Variants in PLN observed in about 807,000 individuals in gnomAD.
PLN encodes the protein phospholamban, also known as cardiac phospholamban.
A neutral mutation model predicts 3.9 loss-of-function variants in PLN; 1 was observed. The ratio of observed to expected loss-of-function variants is 0.26; its 90% CI spans 0.09 to 1.23. The LOEUF (loss-of-function observed/expected upper bound fraction) is 1.23, where lower values mean the gene tolerates loss of function less well. Among genes scored for constraint, PLN ranks in the 50% most tolerant of loss-of-function variants. The pLI is 0.48. For missense variants in PLN, 59 were observed against 62.7 expected (o/e 0.94, Z 0.20); for synonymous variants, 21 against 20.5 (o/e 1.02, Z -0.07).
chr6:118,548,537 C>A (rs1778345069), intron 1 of PLN, 145 bp downstream of exon 1: 1 of 152,024 alleles, frequency 6.6e-6, no homozygotes, highest in Admixed American at 6.6e-5. Context: ...TGACAAAGTG[C>A]TTAAATTTAT....
rs543790768 is a variant in PLN at position 118,558,859 on chromosome 6, C to T, written c.-63C>T. On this transcript the variant is annotated 5_prime_UTR_variant, in exon 2 of 2. Coordinates refer to ENST00000357525, the MANE Select transcript of PLN (RefSeq NM_002667.5). ...AAGAAGACAGTTATCTCATATTTGGCTGCCAGCTTTTTATCTTTCTCTCGA... is the reference window on the plus strand; with the variant it reads ...AAGAAGACAGTTATCTCATATTTGGTTGCCAGCTTTTTATCTTTCTCTCGA... The T allele has an allele frequency of 4.8e-5, 59 of 1,220,710 alleles. No individual in the cohort carries two copies. In the Middle Eastern group the frequency reaches 1.5e-3, roughly 31 times the overall value. The allele number at this position is 1,220,710 out of a possible 1,614,324, so 75.6% of individuals were successfully genotyped here.
chr6:118,556,265 C>T (rs1778870207), intron 1 of PLN, among the ~76,000 whole-genome samples: 1 of 152,096 alleles, frequency 6.6e-6, no homozygotes, highest in Non-Finnish European at 1.5e-5. Context: ...CCTTTAGCCA[C>T]CTGTTTAGAC....
chr6:118,548,435 A>G (rs1231189272), intron 1 of PLN, 43 bp downstream of exon 1: 9 of 152,112 alleles, frequency 5.9e-5, no homozygotes, highest in Non-Finnish European at 1.3e-4. Context: ...CTTACTTTCT[A>G]TAATTCTTAA....
chr6:118,549,648 C>A (rs377749681), intron 1 of PLN, among the ~76,000 whole-genome samples: 14 of 151,726 alleles, frequency 9.2e-5, no homozygotes, highest in African/African-American at 3.1e-4. Context: ...GTCTCCATAT[C>A]TCTATACTCA....
At chr6:118,555,076 G>A (rs1426032620) in intron 1 of PLN, among the ~76,000 whole-genome samples, 1 of 152,126 alleles carries the variant, frequency 6.6e-6, no homozygotes, top group Non-Finnish European at 1.5e-5. Flanking sequence ...TGTTCAAATA[G>A]GAATTACCAA....
intron 1 of PLN, among the ~76,000 whole-genome samples, chr6:118,553,667 TC>T (rs1346416447): frequency 6.6e-6 from 1 of 152,226 alleles, no homozygotes; most frequent in Non-Finnish European, 1.5e-5. Flanking sequence ...CCAATTTGTT[TC>T]CAGAAACAAA....
intron 1 of PLN, among the ~76,000 whole-genome samples, chr6:118,548,926 T>C (rs913969981): frequency 6.6e-6 from 1 of 152,002 alleles, no homozygotes; most frequent in African/African-American, 2.4e-5. Context: ...AGTTTCAGAA[T>C]ATATAATACA....
chr6:118,550,021 CAT>C (rs1184622859), intron 1 of PLN, among the ~76,000 whole-genome samples: 2 of 151,688 alleles, frequency 1.3e-5, no homozygotes, highest in Non-Finnish European at 3.0e-5. Flanking sequence ...TTTATGAAGA[CAT>C]GTGGTTTCAA....
intron 1 of PLN, among the ~76,000 whole-genome samples, chr6:118,557,533 T>G (rs1262053206): frequency 2.0e-5 from 3 of 152,154 alleles, no homozygotes; most frequent in African/African-American, 7.2e-5. Context: ...CCCAAAACAG[T>G]GCACATTAGG....
rs1340135499 is a variant in PLN at position 118,559,973 on chromosome 6, T to C, written c.*893T>C. 1.0e-4 allele frequency: 17 copies of C among 167,072 alleles called. No homozygotes were observed. In the Admixed American group the frequency reaches 1.0e-3, roughly 10 times the overall value. The allele number at this position is 167,072 out of a possible 1,614,324, so 10.3% of individuals were successfully genotyped here. A position where few individuals can be genotyped will look rare whatever the true frequency, so the allele number is the denominator to read the frequency against. ...CTATATCTTTGGAATCATGAAACCTTAAGACTTCAGAATGATTTTGCAGGT... is the reference window on the plus strand; with the variant it reads ...CTATATCTTTGGAATCATGAAACCTCAAGACTTCAGAATGATTTTGCAGGT... On this transcript the variant is annotated 3_prime_UTR_variant, in exon 2 of 2. Transcript: ENST00000357525.
chr6:118,552,872 C>T (rs1025676680), intron 1 of PLN, among the ~76,000 whole-genome samples: 1 of 152,046 alleles, frequency 6.6e-6, no homozygotes, highest in Non-Finnish European at 1.5e-5. Flanking sequence ...TCTGGCATTT[C>T]TACACCCAAA....
At chr6:118,558,099 A>T (rs1231457068) in intron 1 of PLN, among the ~76,000 whole-genome samples, 1 of 151,884 alleles carries the variant, frequency 6.6e-6, no homozygotes, top group Non-Finnish European at 1.5e-5. Context: ...TTACAGGCAC[A>T]TGCCACCAGC....
chr6:118,552,661 T>C (rs931416163), intron 1 of PLN, among the ~76,000 whole-genome samples: 1 of 149,926 alleles, frequency 6.7e-6, no homozygotes, highest in Non-Finnish European at 1.5e-5. Flanking sequence ...TTGAACTTGA[T>C]TTTTTTTTTA....
chr6:118,559,148 A>T lies in PLN; in HGVS notation c.*68A>T. 8.6e-7 allele frequency: 1 copy of T among 1,169,346 alleles called. No homozygotes were observed. The highest frequency in any genetic ancestry group is 1.3e-6 in the Non-Finnish European group (1 of 773,986). 72.4% of individuals were successfully genotyped at this position (1,169,346 alleles called of 1,614,324 possible). On this transcript the variant is annotated 3_prime_UTR_variant, in exon 2 of 2. Coordinates refer to ENST00000357525, the MANE Select transcript of PLN (RefSeq NM_002667.5). The stretch of plus-strand genomic sequence containing the variant: ...TTAAAATCTGTCATCCCATGCAGAC[A>T]GGAAAACAATATTGTATAACAGACC...
chr6:118,553,204 T>A (rs1161686096), intron 1 of PLN, among the ~76,000 whole-genome samples: 1 of 123,398 alleles, frequency 8.1e-6, no homozygotes, highest in Non-Finnish European at 1.7e-5. Context: ...ACAGCTTAGC[T>A]GTTAAGAAAT....
At chr6:118,555,923 T>TA (rs1366119250) in intron 1 of PLN, among the ~76,000 whole-genome samples, 1 of 152,176 alleles carries the variant, frequency 6.6e-6, no homozygotes, top group Non-Finnish European at 1.5e-5. Flanking sequence ...TTTCCTATGT[T>TA]AGTTTGCTAG....
chr6:118,558,658 CACAGAGAGAG>C (rs1364099498), intron 1 of PLN, among the ~76,000 whole-genome samples, 157 bp from the exon 2 acceptor site: 10 of 124,910 alleles, frequency 8.0e-5, no homozygotes, highest in African/African-American at 6.7e-5. Flanking sequence ...CACACACACA[CACAGAGAGAG>C]AGAGAGAGAG....
At chr6:118,557,649 C>T (rs752141131) in intron 1 of PLN, among the ~76,000 whole-genome samples, 2 of 152,124 alleles carry the variant, frequency 1.3e-5, no homozygotes, top group Non-Finnish European at 2.9e-5. Context: ...CCTCCTTGAG[C>T]TGCTGGGATT....
At chr6:118,556,376 A>G (rs967396164) in intron 1 of PLN, among the ~76,000 whole-genome samples, 3 of 152,202 alleles carry the variant, frequency 2.0e-5, no homozygotes, top group Non-Finnish European at 4.4e-5. Flanking sequence ...CTACAGACCA[A>G]TATTATGAAG....
Sources: allele counts gnomAD v4.1 joint callset (sites outside exome capture counted in the v4.1 genomes callset), GRCh38; gene constraint gnomAD v4.1.1; transcripts MANE v1.5; gene names NCBI Gene and HGNC (gene_info 2026-07-23, HGNC 2026-07-21).